LOXL2: variants seen among roughly 807,000 people sequenced by gnomAD.
LOXL2 encodes the protein lysyl oxidase like 2.
In LOXL2, 70 loss-of-function variants were observed where a neutral mutation model predicts 93.0. The observed-to-expected ratio is 0.75, with a 90% CI of 0.62 to 0.92. The LOEUF (loss-of-function observed/expected upper bound fraction) is 0.92. LOXL2 is among the 40% of genes least tolerant of loss of function. The pLI is 0.00. For synonymous variants in LOXL2, 438 were observed against 413.2 expected (o/e 1.06, Z -0.73); for missense variants, 973 against 1,054.9 (o/e 0.92, Z 1.08).
In LOXL2 at chr8:23,333,528, TG is replaced by T. The variant is rs1803740441; in HGVS notation, c.838del (p.Gln280ArgfsTer7). On this transcript the variant is annotated frameshift_variant, in exon 5 of 14. Transcript: ENST00000389131. LOFTEE classifies it high-confidence loss of function. Reference sequence around the variant, plus strand: ...ATTCTTCATGGGGTCCAGTGACACCTGGGGGCCCAGCTTGCAGCTGGAGATG... The same window carrying T: ...ATTCTTCATGGGGTCCAGTGACACCTGGGGCCCAGCTTGCAGCTGGAGATG... ...AHISSCKLGP[Q>X]VSLDPMKNVT... 1 of 1,613,820 alleles carries T rather than the reference TG, an allele frequency of 6.2e-7. No homozygotes were observed. The highest frequency in any genetic ancestry group is 1.3e-5 in the African/African-American group (1 of 74,930).
chr8:23,340,961 C>G (rs1476952311), intron 4 of LOXL2, 31 bp downstream of exon 4: 1 of 1,590,094 alleles, frequency 6.3e-7, no homozygotes. Context: ...CGGATACCCT[C>G]AAAGCCACCC....
Position 23,333,470 on chromosome 8 carries a change from C to T in LOXL2, c.897G>A (p.Val299=). Residue 299 remains valine, a synonymous_variant, in exon 5 of 14, where the codon GTG becomes GTA. Coordinates refer to ENST00000389131, the MANE Select transcript of LOXL2 (RefSeq NM_002318.3). ...TGAAGACCTGCCCAGGCACACAACT[C>T]ACCACGGCCGGTAGCCCATTCTCGC... ...VTCENGLPAV[V]SCVPGQVFSP... 2 of 1,613,976 alleles carry T rather than the reference C, an allele frequency of 1.2e-6. No homozygotes were observed. The highest frequency in any genetic ancestry group is 1.7e-6 in the Non-Finnish European group (2 of 1,180,042).
At position 23,317,117 on chromosome 8, in the gene LOXL2, G is replaced by A. The variant is rs768445976; in HGVS notation, c.1471-3C>T. The A allele has an allele frequency of 6.2e-7, 1 of 1,613,890 alleles. No individual in the cohort carries two copies. On this transcript the variant is annotated splice_region_variant and splice_polypyrimidine_tract_variant and intron_variant, in intron 8 of 13. Coordinates refer to ENST00000389131, the MANE Select transcript of LOXL2 (RefSeq NM_002318.3). The stretch of plus-strand genomic sequence containing the variant: ...TCTCCGTGCCAATACCAGGTCTCCT[G>A]GAAGAACCAACAAAACAAATGGTGG...
Position 23,354,949 on chromosome 8 carries a change from ATTTTTTTT to A in LOXL2, c.531+5133_531+5140del, listed in dbSNP as rs60819350. 8.0e-3 allele frequency among the ~76,000 whole-genome samples: 624 copies of A among 77,676 alleles called. 35 individuals carry two copies. The highest frequency in any genetic ancestry group is 0.08 in the Admixed American group (494 of 6,174). The allele number at this position is 77,676 out of a possible 152,430, so 51.0% of individuals were successfully genotyped here. On this transcript the variant is annotated intron_variant, in intron 3 of 13. Transcript: ENST00000389131. Reference sequence around the variant, plus strand: ...GGAGTTGGAATATATATATATATATATTTTTTTTTTTTTTTTTTTTTTTTTTTTGAGAC... The same window carrying A: ...GGAGTTGGAATATATATATATATATATTTTTTTTTTTTTTTTTTTTGAGAC...
At chr8:23,307,598 T>C (rs1426036214) in intron 10 of LOXL2, among the ~76,000 whole-genome samples, 1 of 152,136 alleles carries the variant, frequency 6.6e-6, no homozygotes, top group Non-Finnish European at 1.5e-5. Context: ...GTTCCTACCA[T>C]GTAATCTGTG....
In LOXL2 at chr8:23,297,554, G is replaced by A. The variant is rs1435814410; in HGVS notation, c.*489C>T. On this transcript the variant is annotated 3_prime_UTR_variant, in exon 14 of 14. Transcript: ENST00000389131. ...TCTATGTGACTATAATAGACTGGAGGGTTTCATTGGAAGAGAGGTCTAGAT... is the reference window on the plus strand; with the variant it reads ...TCTATGTGACTATAATAGACTGGAGAGTTTCATTGGAAGAGAGGTCTAGAT... The A allele has an allele frequency of 6.4e-6, 1 of 155,182 alleles. No individual in the cohort carries two copies. The highest frequency in any genetic ancestry group is 1.4e-5 in the Non-Finnish European group (1 of 70,004). The allele number at this position is 155,182 out of a possible 1,614,324, so 9.6% of individuals were successfully genotyped here. A position where few individuals can be genotyped will look rare whatever the true frequency, so the allele number is the denominator to read the frequency against.
chr8:23,358,085 A>T (rs1224755076), intron 3 of LOXL2, among the ~76,000 whole-genome samples: 5 of 152,228 alleles, frequency 3.3e-5, no homozygotes, highest in African/African-American at 1.2e-4. Flanking sequence ...ATGAGGTTAT[A>T]AGGAATGAAG....
intron 1 of LOXL2, among the ~76,000 whole-genome samples, chr8:23,384,688 C>T (rs999679857): frequency 1.6e-4 from 25 of 152,070 alleles, no homozygotes; most frequent in African/African-American, 5.3e-4. Context: ...CCGAGGCGGG[C>T]GGATCACCTG....
intron 4 of LOXL2, among the ~76,000 whole-genome samples, chr8:23,340,347 G>A (rs1052164345): frequency 6.6e-6 from 1 of 152,080 alleles, no homozygotes; most frequent in African/African-American, 2.4e-5. Context: ...CCAAGTATAC[G>A]CCAGCCATCA....
intron 6 of LOXL2, among the ~76,000 whole-genome samples, chr8:23,324,443 G>T (rs1035700634): frequency 2.0e-5 from 3 of 152,166 alleles, no homozygotes; most frequent in Non-Finnish European, 4.4e-5. Context: ...TGAGTTCCGT[G>T]GGGGGTTGGG....
intron 13 of LOXL2, among the ~76,000 whole-genome samples, chr8:23,298,628 T>C (rs944554202): frequency 6.6e-6 from 1 of 152,204 alleles, no homozygotes; most frequent in African/African-American, 2.4e-5. Context: ...CCTGGTCCTG[T>C]ACCATCCTCT....
intron 12 of LOXL2, among the ~76,000 whole-genome samples, chr8:23,299,966 T>C (rs368635910): frequency 6.6e-6 from 1 of 152,210 alleles, no homozygotes; most frequent in East Asian, 1.9e-4. Flanking sequence ...GCTGGGGCCC[T>C]GTGCCTTTAG....
intron 1 of LOXL2, among the ~76,000 whole-genome samples, chr8:23,385,131 G>A (rs997169859): frequency 1.3e-5 from 2 of 148,624 alleles, no homozygotes; most frequent in African/African-American, 4.9e-5. Flanking sequence ...ACCACTCCCT[G>A]CGCCCCCGTC....
intron 1 of LOXL2, among the ~76,000 whole-genome samples, chr8:23,368,735 GAACT>G (rs1254182086): frequency 6.6e-6 from 1 of 152,140 alleles, no homozygotes; most frequent in Non-Finnish European, 1.5e-5. Flanking sequence ...GAGTTCTGCA[GAACT>G]AACAAAGGCC....
chr8:23,328,214 C>T (rs890880259), intron 6 of LOXL2, among the ~76,000 whole-genome samples, 168 bp downstream of exon 6: 6 of 152,104 alleles, frequency 3.9e-5, no homozygotes, highest in Non-Finnish European at 2.9e-5. Context: ...TTCTCTAAGG[C>T]CCCTTTCAAC....
rs545799905 is a variant in LOXL2 at position 23,378,246 on chromosome 8, T to C, written c.-83-9812A>G. On this transcript the variant is annotated intron_variant, in intron 1 of 13. Coordinates refer to ENST00000389131, the MANE Select transcript of LOXL2 (RefSeq NM_002318.3). ...AATTCTGGGTTGAAAATTCTTTTCT[T>C]TAAGAATGTTGAATATTGGCCCCCA... Among the ~76,000 whole-genome samples, 15 of 152,324 alleles carry C rather than the reference T, an allele frequency of 9.8e-5. 1 individual carries two copies. The South Asian group carries it at 3.1e-3, about 32-fold the overall frequency.
At chr8:23,353,530 C>G (rs573926895) in intron 3 of LOXL2, among the ~76,000 whole-genome samples, 1 of 152,176 alleles carries the variant, frequency 6.6e-6, no homozygotes, top group East Asian at 1.9e-4. Context: ...GACTGGAACC[C>G]GGGGGTTCTG....
intron 8 of LOXL2, among the ~76,000 whole-genome samples, chr8:23,318,056 G>C (rs1008449942): frequency 7.6e-6 from 1 of 131,736 alleles, no homozygotes; most frequent in African/African-American, 2.5e-5. Context: ...TATTCTAGAT[G>C]CTTACGTGAG....
intron 5 of LOXL2, among the ~76,000 whole-genome samples, chr8:23,332,878 A>T (rs1206546545): frequency 1.5e-5 from 2 of 135,902 alleles, no homozygotes; most frequent in Non-Finnish European, 3.1e-5. Context: ...ACACGCACAG[A>T]CTCATACACA....
Sources: gnomAD v4.1 joint callset for allele counts (sites outside exome capture counted in the v4.1 genomes callset) on GRCh38, gnomAD v4.1.1 for gene constraint, MANE v1.5 for transcripts, NCBI Gene and HGNC (gene_info 2026-07-23, HGNC 2026-07-21) for gene names.